PAK5: variants seen among roughly 807,000 people sequenced by gnomAD.
PAK5 encodes p21 (RAC1) activated kinase 5.
A neutral mutation model predicts 65.9 loss-of-function variants in PAK5; 16 were observed. The observed-to-expected ratio is 0.24, with a 90% CI of 0.16 to 0.37. The LOEUF (loss-of-function observed/expected upper bound fraction) is 0.37, where lower values mean the gene tolerates loss of function less well. Ranked by LOEUF, PAK5 falls within the 10% of genes least tolerant of loss-of-function variation. The pLI, the probability that PAK5 is intolerant of heterozygous loss-of-function variation, is 1.00. For synonymous variants in PAK5, 371 were observed against 354.9 expected (o/e 1.05, Z -0.51); for missense variants, 785 against 903.9 (o/e 0.87, Z 1.69).
intron 1 of PAK5, among the ~76,000 whole-genome samples, chr20:9,749,623 T>C (rs2048551328): frequency 6.6e-6 from 1 of 152,204 alleles, no homozygotes; most frequent in Non-Finnish European, 1.5e-5. Flanking sequence ...CATAGATTGA[T>C]GTAATCACAT....
At position 9,600,153 on chromosome 20, in the gene PAK5, G is replaced by GA. The variant is rs550085783; in HGVS notation, c.205-19224dup. On this transcript the variant is annotated intron_variant, in intron 3 of 9. Coordinates refer to ENST00000353224, the MANE Select transcript of PAK5 (RefSeq NM_177990.4). ...TTGGTTGCCTTGTGGAAAAGCATCT[G>GA]ACCTCATATGTGAGGGTTTGTTTCT... 2.3e-3 allele frequency among the ~76,000 whole-genome samples: 343 copies of GA among 152,272 alleles called. 1 individual carries two copies. The highest frequency in any genetic ancestry group is 8.0e-3 in the African/African-American group (332 of 41,560).
intron 2 of PAK5, among the ~76,000 whole-genome samples, chr20:9,671,757 G>A (rs4816161): frequency 0.13 from 19,915 of 148,016 alleles, 1,771 homozygotes; most frequent in South Asian, 0.33. Context: ...CTAATTGAAT[G>A]CCCTTTATTT....
At chr20:9,557,794 A>C in intron 6 of PAK5, 60 bp from the exon 7 acceptor site, 7 of 1,425,500 alleles carry the variant, frequency 4.9e-6, no homozygotes, top group South Asian at 1.2e-5. Flanking sequence ...TGAAATGCTC[A>C]AGAGAGGCAG....
At chr20:9,542,516 T>G in intron 9 of PAK5, 70 bp downstream of exon 9, 3 of 1,518,828 alleles carry the variant, frequency 2.0e-6, no homozygotes, top group Non-Finnish European at 2.7e-6. Context: ...TAAGCCAGTC[T>G]TAAAAACCAG....
intron 2 of PAK5, among the ~76,000 whole-genome samples, chr20:9,667,950 A>AT (rs1289178068): frequency 2.6e-5 from 4 of 152,270 alleles, no homozygotes; most frequent in Admixed American, 1.3e-4. Context: ...AAGGATATTC[A>AT]TTTTTGAATA....
chr20:9,600,578 A>G (rs569089373), intron 3 of PAK5, among the ~76,000 whole-genome samples: 54 of 152,202 alleles, frequency 3.5e-4, no homozygotes, highest in Admixed American at 5.9e-4. Context: ...GCTTTGTTAC[A>G]CAGACTTATT....
intron 1 of PAK5, among the ~76,000 whole-genome samples, chr20:9,775,721 CTATT>C (rs1298059006): frequency 6.6e-5 from 10 of 152,190 alleles, no homozygotes; most frequent in African/African-American, 2.4e-4. Flanking sequence ...AAGTATGTAT[CTATT>C]TATGGGGTAA....
intron 1 of PAK5, among the ~76,000 whole-genome samples, chr20:9,811,347 C>G (rs2049295841): frequency 6.6e-6 from 1 of 152,184 alleles, no homozygotes; most frequent in Non-Finnish European, 1.5e-5. Context: ...CTGTCTCTCT[C>G]TCTCCCCCAC....
chr20:9,665,746 G>C (rs1424629182), intron 2 of PAK5, among the ~76,000 whole-genome samples: 1 of 150,112 alleles, frequency 6.7e-6, no homozygotes, highest in Non-Finnish European at 1.5e-5. Context: ...CTCCTACCTT[G>C]GCCTCCTAAA....
At chr20:9,739,391 T>G (rs1443304075) in intron 1 of PAK5, among the ~76,000 whole-genome samples, 1 of 152,074 alleles carries the variant, frequency 6.6e-6, no homozygotes, top group Non-Finnish European at 1.5e-5. Flanking sequence ...CTTGCATGCA[T>G]TTGGAGTGCA....
chr20:9,639,142 C>T (rs2047018747), intron 3 of PAK5, among the ~76,000 whole-genome samples: 1 of 152,142 alleles, frequency 6.6e-6, no homozygotes. Flanking sequence ...TATACTTTAT[C>T]ATATGTCATT....
intron 4 of PAK5, among the ~76,000 whole-genome samples, chr20:9,575,929 G>A (rs913590766): frequency 6.6e-5 from 10 of 152,188 alleles, no homozygotes; most frequent in African/African-American, 2.4e-4. Context: ...TAAAGATTTG[G>A]AGTCTCAGCT....
chr20:9,671,632 G>T (rs1316438895), intron 2 of PAK5, among the ~76,000 whole-genome samples: 4 of 148,034 alleles, frequency 2.7e-5, no homozygotes, highest in Admixed American at 2.7e-4. Context: ...TTTGTATCCT[G>T]AGACTTTGCA....
At chr20:9,588,169 A>G (rs2046103580) in intron 3 of PAK5, among the ~76,000 whole-genome samples, 1 of 152,146 alleles carries the variant, frequency 6.6e-6, no homozygotes, top group East Asian at 1.9e-4. Flanking sequence ...ACAAAATCCG[A>G]ACACTACAAA....
chr20:9,750,824 C>CT (rs2048567940), intron 1 of PAK5, among the ~76,000 whole-genome samples: 1 of 152,068 alleles, frequency 6.6e-6, no homozygotes, highest in African/African-American at 2.4e-5. Context: ...CCTACCATCC[C>CT]TATGGTCCCA....
rs1270699485 is a variant in PAK5 at position 9,537,995 on chromosome 20, T to C, written c.*1467A>G. 2 of 232,160 alleles carry C rather than the reference T, an allele frequency of 8.6e-6. No individual in the cohort carries two copies. The highest frequency in any genetic ancestry group is 2.2e-5 in the African/African-American group (1 of 45,270). The allele number at this position is 232,160 out of a possible 1,614,324, so 14.4% of individuals were successfully genotyped here. ...TTCATATTTGTTACAGTATGTGAAA[T>C]AGTTAAGAAAAGCCTCTGTTTTCCC... On this transcript the variant is annotated 3_prime_UTR_variant, in exon 10 of 10. Coordinates refer to ENST00000353224, the MANE Select transcript of PAK5 (RefSeq NM_177990.4).
chr20:9,759,608 T>C (rs1486335032), intron 1 of PAK5, among the ~76,000 whole-genome samples: 1 of 152,166 alleles, frequency 6.6e-6, no homozygotes, highest in Non-Finnish European at 1.5e-5. Context: ...ATCCTCACTT[T>C]GAGTAGCCCT....
intron 1 of PAK5, among the ~76,000 whole-genome samples, chr20:9,750,976 ATT>A (rs1416796945): frequency 1.3e-5 from 2 of 152,166 alleles, no homozygotes; most frequent in East Asian, 3.9e-4. Flanking sequence ...AGTGTATGGC[ATT>A]TTTGGCTTCT....
At position 9,711,370 on chromosome 20, in the gene PAK5, G is replaced by A. The variant is rs1253188200; in HGVS notation, c.-96C>T. On this transcript the variant is annotated 5_prime_UTR_variant, in exon 2 of 10. Transcript: ENST00000353224. ...TGCAACTTTTCGCTGGTGCTTGTCA[G>A]TCTTCTTCATTTTTCCTCAGTGTTC... 1 of 152,162 alleles carries A rather than the reference G, an allele frequency of 6.6e-6. No individual in the cohort carries two copies. The highest frequency in any genetic ancestry group is 1.9e-4 in the East Asian group (1 of 5,208). The allele number at this position is 152,162 out of a possible 1,614,324, so 9.4% of individuals were successfully genotyped here.
Sources: allele counts gnomAD v4.1 joint callset (sites outside exome capture counted in the v4.1 genomes callset), GRCh38; gene constraint gnomAD v4.1.1; transcripts MANE v1.5; gene names NCBI Gene and HGNC (gene_info 2026-07-23, HGNC 2026-07-21).